The following HEATR5A variants were observed in gnomAD, a reference collection of about 807,000 sequenced individuals.
The protein encoded by HEATR5A is HEAT repeat containing 5A, also known as HEAT repeat-containing protein 5A.
In HEATR5A, 178 loss-of-function variants were observed where a neutral mutation model predicts 218.8. The observed-to-expected ratio is 0.81, with a 90% CI of 0.72 to 0.92. The LOEUF is 0.92. Among genes scored for constraint, HEATR5A ranks in the 40% least tolerant of loss-of-function variants. The pLI is 0.00. For missense variants in HEATR5A, 2,420 were observed against 2,418.9 expected, an observed-to-expected ratio of 1.00 and a Z score of -0.01; for synonymous variants, 864 against 871.6, an observed-to-expected ratio of 0.99 and a Z score of 0.15.
Position 31,378,553 on chromosome 14 carries a change from C to T in HEATR5A, c.1708+1914G>A, listed in dbSNP as rs369568653. ...CTGTAATCCCAGCGCTTTGGGAGGC[C>T]GAGGCAGGTGGATCACGAAGTCAGC... On this transcript the variant is annotated intron_variant, in intron 11 of 35. Transcript: ENST00000543095. 7.2e-4 allele frequency among the ~76,000 whole-genome samples: 110 copies of T among 152,012 alleles called. 1 individual carries two copies. The Middle Eastern group carries it at 0.014, about 19-fold the overall frequency.
In HEATR5A at chr14:31,343,964, A is replaced by G; in HGVS notation, c.3160T>C (p.Cys1054Arg). Residue 1054 changes from cysteine (C) to arginine (R), a missense_variant, in exon 21 of 36, where the codon TGC becomes CGC. Physicochemically the swap from Cys to Arg is radical, Grantham distance 180. Coordinates refer to ENST00000543095, the MANE Select transcript of HEATR5A (RefSeq NM_015473.4). ...GCAAACATATGAAGCTGCTGAAGGC[A>G]AGAGATGGCCTGAGCTTGAACAAGG... ...DCLVQAQAIS[C>R]LQQLHMFAPR... The G allele has an allele frequency of 6.2e-7, 1 of 1,611,934 alleles. No homozygotes were observed. Among genetic ancestry groups the G allele is most frequent in the Non-Finnish European group, 8.5e-7 (1 of 1,178,962 alleles).
intron 21 of HEATR5A, among the ~76,000 whole-genome samples, chr14:31,338,328 AT>A (rs1181738270): frequency 2.0e-5 from 3 of 152,178 alleles, no homozygotes; most frequent in Non-Finnish European, 4.4e-5. Flanking sequence ...AAGTAAATGC[AT>A]TTTCAAATAA....
chr14:31,402,993 C>T lies in HEATR5A; in HGVS notation c.-18G>A. 6.5e-7 allele frequency: 1 copy of T among 1,532,786 alleles called. No homozygotes were observed. The highest frequency in any genetic ancestry group is 8.7e-7 in the Non-Finnish European group (1 of 1,144,934). The allele number at this position is 1,532,786 out of a possible 1,614,324, so 94.9% of individuals were successfully genotyped here. A position where few individuals can be genotyped will look rare whatever the true frequency, so the allele number is the denominator to read the frequency against. On this transcript the variant is annotated 5_prime_UTR_variant, in exon 2 of 36. Transcript: ENST00000543095. ...AATTCCATTCCTTGCAGCAATCCTC[C>T]CAGCTGATCACAGTTCTTCTCGTTA...
chr14:31,304,418 ACT>A (rs553241163), intron 32 of HEATR5A, among the ~76,000 whole-genome samples: 168 of 151,270 alleles, frequency 1.1e-3, no homozygotes, highest in African/African-American at 3.8e-3. Flanking sequence ...CTATATTTTC[ACT>A]CTCTCTTTTT....
In HEATR5A at chr14:31,358,961, T is replaced by C. The variant is rs369427368; in HGVS notation, c.2168A>G (p.His723Arg). The C allele has an allele frequency of 9.7e-5, 155 of 1,591,044 alleles. No individual in the cohort carries two copies. The African/African-American group carries it at 2.0e-3, about 21-fold the overall frequency. Residue 723 changes from histidine (H) to arginine (R), a missense_variant, in exon 15 of 36, where the codon CAT (histidine) becomes CGT (arginine). Coordinates refer to ENST00000543095, the MANE Select transcript of HEATR5A (RefSeq NM_015473.4). ...ASTFLLPPLC[H>R]QDDLLILSPF... The stretch of plus-strand genomic sequence containing the variant: ...ACTTAGTATCAAAAGATCATCCTGA[T>C]GACAGAGGGGTGGAAGTAAAAATGT...
intron 13 of HEATR5A, among the ~76,000 whole-genome samples, chr14:31,368,728 T>TATTG (rs1901903275): frequency 2.0e-5 from 1 of 51,270 alleles, no homozygotes; most frequent in African/African-American, 4.9e-5. Context: ...TTTATTTATT[T>TATTG]ATTTATTTAT....
chr14:31,390,543 G>T (rs1435526707), intron 6 of HEATR5A, among the ~76,000 whole-genome samples: 1 of 152,132 alleles, frequency 6.6e-6, no homozygotes, highest in Non-Finnish European at 1.5e-5. Flanking sequence ...TGTAAGAATA[G>T]TATAATAAAC....
chr14:31,384,839 C>T (rs992115790), intron 9 of HEATR5A, among the ~76,000 whole-genome samples: 4 of 151,828 alleles, frequency 2.6e-5, no homozygotes, highest in African/African-American at 4.8e-5. Flanking sequence ...ATAATTAATA[C>T]ACTTTCTATC....
At chr14:31,365,166 C>T (rs1020650971) in intron 13 of HEATR5A, among the ~76,000 whole-genome samples, 1 of 152,000 alleles carries the variant, frequency 6.6e-6, no homozygotes, top group Non-Finnish European at 1.5e-5. Context: ...AGCCACTGCA[C>T]CCGGCCAGGA....
At chr14:31,419,559 T>C (rs560531753) in intron 1 of HEATR5A, among the ~76,000 whole-genome samples, 1 of 152,300 alleles carries the variant, frequency 6.6e-6, no homozygotes, top group South Asian at 2.1e-4. Flanking sequence ...GGCTGTAAAT[T>C]CCTTAAGGGC....
At chr14:31,307,408 A>C (rs546495018) in intron 30 of HEATR5A, among the ~76,000 whole-genome samples, 2 of 152,290 alleles carry the variant, frequency 1.3e-5, no homozygotes, top group African/African-American at 4.8e-5. Flanking sequence ...CCCAAGTCAG[A>C]TATTAGTACC....
At chr14:31,363,545 T>C (rs1272652903) in intron 14 of HEATR5A, among the ~76,000 whole-genome samples, 1 of 152,226 alleles carries the variant, frequency 6.6e-6, no homozygotes, top group African/African-American at 2.4e-5. Flanking sequence ...GTATGTGTTC[T>C]TGAGTTGGTT....
chr14:31,358,558 G>A (rs1444489326), intron 16 of HEATR5A, 79 bp downstream of exon 16: 21 of 1,225,684 alleles, frequency 1.7e-5, no homozygotes, highest in East Asian at 4.7e-5. Context: ...AATCATTTAC[G>A]CTAATGAGAT....
intron 21 of HEATR5A, among the ~76,000 whole-genome samples, chr14:31,340,785 T>A (rs1193577434): frequency 6.7e-6 from 1 of 149,012 alleles, no homozygotes; most frequent in Admixed American, 6.7e-5. Context: ...CCCAATCAAG[T>A]AGACATAAGT....
chr14:31,293,103 A>T lies in HEATR5A; in HGVS notation c.*202T>A, dbSNP rs1473614764. 2.2e-6 allele frequency: 1 copy of T among 452,454 alleles called. No individual in the cohort carries two copies. The highest frequency in any genetic ancestry group is 3.9e-6 in the Non-Finnish European group (1 of 259,508). The allele number at this position is 452,454 out of a possible 1,614,324, so 28.0% of individuals were successfully genotyped here. ...AGCTCCATTGTCTTTTTAAATAGAA[A>T]AACAAAACAAAACAAAACACAAACC... On this transcript the variant is annotated 3_prime_UTR_variant, in exon 36 of 36. Transcript: ENST00000543095.
At chr14:31,342,562 C>T (rs922901489) in intron 21 of HEATR5A, among the ~76,000 whole-genome samples, 2 of 152,120 alleles carry the variant, frequency 1.3e-5, no homozygotes, top group East Asian at 1.9e-4. Context: ...TCATGTTTTG[C>T]AGACAAGGTA....
intron 16 of HEATR5A, among the ~76,000 whole-genome samples, chr14:31,356,551 C>A (rs1388540497): frequency 2.0e-5 from 3 of 151,930 alleles, no homozygotes; most frequent in Non-Finnish European, 4.4e-5. Flanking sequence ...ATTTTTTTTC[C>A]AAAATAGTTA....
At chr14:31,354,505 A>C (rs574853512) in intron 16 of HEATR5A, among the ~76,000 whole-genome samples, 10 of 152,336 alleles carry the variant, frequency 6.6e-5, no homozygotes, top group Admixed American at 2.6e-4. Flanking sequence ...ACCAATTCCT[A>C]TAGAGATCTC....
intron 23 of HEATR5A, among the ~76,000 whole-genome samples, chr14:31,325,287 A>G (rs188249574): frequency 1.8e-4 from 28 of 152,318 alleles, no homozygotes; most frequent in African/African-American, 5.3e-4. Flanking sequence ...AAAGATTTGA[A>G]TATACTTTCT....
Sources: allele counts gnomAD v4.1 joint callset (sites outside exome capture counted in the v4.1 genomes callset), GRCh38; gene constraint gnomAD v4.1.1; transcripts MANE v1.5; gene names NCBI Gene and HGNC (gene_info 2026-07-23, HGNC 2026-07-21).